CNTNAP2: variants seen among roughly 807,000 people sequenced by gnomAD.
CNTNAP2 encodes contactin-associated protein-like 2.
CNTNAP2 carries 98 observed loss-of-function variants against 155.2 expected under a neutral mutation model. The ratio of observed to expected loss-of-function variants is 0.63; its 90% CI spans 0.54 to 0.75. CNTNAP2 has a LOEUF of 0.75. CNTNAP2 is among the 30% of genes least tolerant of loss of function. CNTNAP2 has a pLI of 0.00. For missense variants in CNTNAP2, 1,727 were observed against 1,688.1 expected (o/e 1.02, Z -0.40); for synonymous variants, 651 against 631.2 (o/e 1.03, Z -0.47).
chr7:146,405,058 C>T (rs1195358647), intron 1 of CNTNAP2, among the ~76,000 whole-genome samples: 1 of 152,080 alleles, frequency 6.6e-6, no homozygotes, highest in Non-Finnish European at 1.5e-5. Context: ...CAGAGACTTC[C>T]CTCAAGATAT....
At chr7:146,602,550 C>T (rs1400477783) in intron 1 of CNTNAP2, among the ~76,000 whole-genome samples, 1 of 152,142 alleles carries the variant, frequency 6.6e-6, no homozygotes, top group Non-Finnish European at 1.5e-5. Context: ...GTAGGCATCT[C>T]TTATTTCCTT....
chr7:146,788,131 C>A (rs560996652), intron 2 of CNTNAP2, among the ~76,000 whole-genome samples: 1 of 152,178 alleles, frequency 6.6e-6, no homozygotes, highest in African/African-American at 2.4e-5. Context: ...CCAGAGGGAG[C>A]TTGTCCCCCA....
intron 1 of CNTNAP2, among the ~76,000 whole-genome samples, chr7:146,433,356 G>A (rs1796197947): frequency 6.6e-6 from 1 of 152,066 alleles, no homozygotes; most frequent in East Asian, 1.9e-4. Context: ...AGTGACTCTT[G>A]AGCTGTGATG....
intron 1 of CNTNAP2, among the ~76,000 whole-genome samples, chr7:146,450,387 T>C (rs1480586041): frequency 6.6e-6 from 1 of 152,226 alleles, no homozygotes; most frequent in Non-Finnish European, 1.5e-5. Flanking sequence ...CCAAGCTGGT[T>C]AGTTCTATTC....
At chr7:148,268,586 C>T (rs1796717350) in intron 21 of CNTNAP2, among the ~76,000 whole-genome samples, 1 of 151,816 alleles carries the variant, frequency 6.6e-6, no homozygotes. Flanking sequence ...ACCCGGGAGG[C>T]GGAGCTTACA....
chr7:148,123,641 AAGGAAG>A (rs1804648336), intron 16 of CNTNAP2, among the ~76,000 whole-genome samples: 1 of 82,398 alleles, frequency 1.2e-5, no homozygotes, highest in East Asian at 3.9e-4. Context: ...AGCAGGAAGG[AAGGAAG>A]GAAGGAAGGA....
chr7:146,219,927 G>T (rs571366601), intron 1 of CNTNAP2, among the ~76,000 whole-genome samples: 10 of 152,234 alleles, frequency 6.6e-5, no homozygotes, highest in Admixed American at 2.0e-4. Context: ...GGCCCTTAGA[G>T]AACATCTAGT....
chr7:147,519,595 G>A lies in CNTNAP2; in HGVS notation c.1777+33554G>A, dbSNP rs60069881. On this transcript the variant is annotated intron_variant, in intron 11 of 23. Coordinates refer to ENST00000361727, the MANE Select transcript of CNTNAP2 (RefSeq NM_014141.6). ...GGAATAAACTTGGCCAGGCACAGTG[G>A]CTCATGCCTGTAATGCCAGCACTTT... Among the ~76,000 whole-genome samples the A allele has an allele frequency of 7.2e-3, 1,095 of 152,352 alleles. 13 individuals carry two copies. The highest frequency in any genetic ancestry group is 0.022 in the African/African-American group (927 of 41,576).
At chr7:146,545,297 G>A (rs190511628) in intron 1 of CNTNAP2, among the ~76,000 whole-genome samples, 4 of 151,910 alleles carry the variant, frequency 2.6e-5, no homozygotes, top group African/African-American at 4.8e-5. Flanking sequence ...TGAACTGTTC[G>A]AAGTTCTCTT....
intron 13 of CNTNAP2, among the ~76,000 whole-genome samples, chr7:147,813,782 A>G (rs931950551): frequency 1.3e-5 from 2 of 152,210 alleles, no homozygotes; most frequent in African/African-American, 4.8e-5. Flanking sequence ...GCAGTTAAGA[A>G]GTCTGAAGTA....
intron 8 of CNTNAP2, among the ~76,000 whole-genome samples, chr7:147,298,235 C>T (rs1486802659): frequency 6.6e-6 from 1 of 151,968 alleles, no homozygotes; most frequent in East Asian, 1.9e-4. Context: ...TCAGGACCAG[C>T]CTGACATGGT....
chr7:146,749,538 A>G (rs1324370326), intron 1 of CNTNAP2, among the ~76,000 whole-genome samples: 4 of 152,190 alleles, frequency 2.6e-5, no homozygotes, highest in Admixed American at 2.6e-4. Flanking sequence ...GACCAAGGAA[A>G]ACAAAGCCAA....
chr7:147,328,816 C>G (rs16883333), intron 9 of CNTNAP2, among the ~76,000 whole-genome samples: 28,797 of 135,566 alleles, frequency 0.21, 2,970 homozygotes, highest in East Asian at 0.41. Flanking sequence ...ACTCAGCTCT[C>G]TTGGTGCAGC....
At chr7:146,412,275 C>T (rs1341288773) in intron 1 of CNTNAP2, among the ~76,000 whole-genome samples, 1 of 152,200 alleles carries the variant, frequency 6.6e-6, no homozygotes, top group Non-Finnish European at 1.5e-5. Flanking sequence ...TTCACAGCCG[C>T]AATGCTCTTA....
intron 13 of CNTNAP2, among the ~76,000 whole-genome samples, chr7:147,868,742 G>A (rs1014917997): frequency 5.9e-5 from 9 of 152,244 alleles, no homozygotes; most frequent in African/African-American, 2.2e-4. Context: ...TGCGCTAGCA[G>A]TGAGCAAGGC....
At chr7:148,161,235 C>A (rs1805532060) in intron 17 of CNTNAP2, among the ~76,000 whole-genome samples, 1 of 152,196 alleles carries the variant, frequency 6.6e-6, no homozygotes, top group Admixed American at 6.5e-5. Flanking sequence ...GTCTTTTATG[C>A]AAATCCTACA....
intron 21 of CNTNAP2, among the ~76,000 whole-genome samples, chr7:148,316,162 C>T (rs1203754231): frequency 6.6e-6 from 1 of 152,044 alleles, no homozygotes; most frequent in Non-Finnish European, 1.5e-5. Flanking sequence ...TAACAATCTA[C>T]ATAGAGCAAC....
chr7:148,034,560 C>T (rs2116467727), intron 15 of CNTNAP2, among the ~76,000 whole-genome samples: 1 of 152,306 alleles, frequency 6.6e-6, no homozygotes, highest in East Asian at 1.9e-4. Context: ...TGATCTTGAA[C>T]TTCTGTGCTT....
At chr7:146,371,088 A>T (rs1380482026) in intron 1 of CNTNAP2, among the ~76,000 whole-genome samples, 6 of 151,920 alleles carry the variant, frequency 3.9e-5, no homozygotes, top group Non-Finnish European at 1.5e-5. Context: ...CTCCTCTTCA[A>T]TTTTCTATAT....
Sources: allele counts gnomAD v4.1 joint callset (sites outside exome capture counted in the v4.1 genomes callset), GRCh38; gene constraint gnomAD v4.1.1; transcripts MANE v1.5; gene names NCBI Gene and HGNC (gene_info 2026-07-23, HGNC 2026-07-21).